The following SLIT1 variants were observed in gnomAD, a reference collection of about 807,000 sequenced individuals.
The protein encoded by SLIT1 is slit guidance ligand 1.
A neutral mutation model predicts 186.1 loss-of-function variants in SLIT1; 66 were observed. The observed-to-expected ratio is 0.35, with a 90% CI of 0.29 to 0.44. The LOEUF (loss-of-function observed/expected upper bound fraction) is 0.44, where lower values mean the gene tolerates loss of function less well. Ranked by LOEUF, SLIT1 falls within the 20% of genes least tolerant of loss-of-function variation. The pLI is 1.00. For missense variants in SLIT1, 1,638 were observed against 2,037.4 expected (o/e 0.80, Z 3.77); for synonymous variants, 761 against 833.8 (o/e 0.91, Z 1.50).
chr10:97,113,836 G>A (rs2817700), intron 4 of SLIT1, among the ~76,000 whole-genome samples: 111,647 of 151,684 alleles, frequency 0.74, 42,124 homozygotes, highest in Non-Finnish European at 0.81. Flanking sequence ...GATTACAGGC[G>A]TGAGCCCGGC....
At chr10:97,141,225 A>G (rs1462561834) in intron 4 of SLIT1, among the ~76,000 whole-genome samples, 1 of 152,206 alleles carries the variant, frequency 6.6e-6, no homozygotes, top group East Asian at 1.9e-4. Flanking sequence ...TTCAGCAGCC[A>G]GCTCGTGTCT....
Position 97,047,161 on chromosome 10 carries a change from TCC to T in SLIT1, c.1635-98_1635-97del, listed in dbSNP as rs933352643. 5.0e-6 allele frequency: 4 copies of T among 805,726 alleles called. No homozygotes were observed. The African/African-American group carries it at 6.9e-5, about 14-fold the overall frequency. 49.9% of individuals were successfully genotyped at this position (805,726 alleles called of 1,614,324 possible). On this transcript the variant is annotated intron_variant, in intron 16 of 36. Coordinates refer to ENST00000266058, the MANE Select transcript of SLIT1 (RefSeq NM_003061.3). Reference sequence around the variant, plus strand: ...TATTTGGGACTCAAACAGAGAAGACTCCCAGAAGAATTTATCTGGCAAAGCAA... The same window carrying T: ...TATTTGGGACTCAAACAGAGAAGACTCAGAAGAATTTATCTGGCAAAGCAA...
intron 8 of SLIT1, among the ~76,000 whole-genome samples, chr10:97,062,628 A>G (rs1848903591): frequency 6.6e-6 from 1 of 152,224 alleles, no homozygotes; most frequent in Admixed American, 6.5e-5. Context: ...GGGTGTGTCC[A>G]GCAGGGGAGC....
At chr10:97,034,377 G>A (rs541692298) in intron 23 of SLIT1, 94 bp downstream of exon 23, 60 of 895,858 alleles carry the variant, frequency 6.7e-5, no homozygotes, top group South Asian at 4.7e-4. Context: ...GTCTGCAGGC[G>A]AGGGATCTGG....
chr10:97,011,086 TTC>T lies in SLIT1; in HGVS notation c.3246_3247del (p.Asn1083ProfsTer3). The T allele has an allele frequency of 1.2e-6, 2 of 1,613,668 alleles. No homozygotes were observed. The highest frequency in any genetic ancestry group is 1.7e-6 in the Non-Finnish European group (2 of 1,179,662). ...GCGGTGGTCCCTGCAGTCATCCTGG[TTC>T]TCACTGCAGTTGTCACCTGCATAAC... On this transcript the variant is annotated frameshift_variant, in exon 31 of 37. Coordinates refer to ENST00000266058, the MANE Select transcript of SLIT1 (RefSeq NM_003061.3). LOFTEE classifies it high-confidence loss of function.
chr10:97,037,821 AT>A, intron 21 of SLIT1, 55 bp from the exon 22 acceptor site: 3 of 1,466,736 alleles, frequency 2.0e-6, no homozygotes, highest in Non-Finnish European at 2.8e-6. Context: ...GTGGTGCCCC[AT>A]GCTGGGGACA....
Position 97,015,731 on chromosome 10 carries a change from C to T in SLIT1, c.2970-1573G>A, listed in dbSNP as rs943853252. Among the ~76,000 whole-genome samples the T allele has an allele frequency of 4.6e-5, 7 of 152,074 alleles. No homozygotes were observed. In the South Asian group the frequency reaches 8.3e-4, roughly 18 times the overall value. ...ATTCTATAATACAGTTATGTTGTTT[C>T]GAATTATTGTAGGGATAACTCGCTG... On this transcript the variant is annotated intron_variant, in intron 28 of 36. Coordinates refer to ENST00000266058, the MANE Select transcript of SLIT1 (RefSeq NM_003061.3).
intron 18 of SLIT1, among the ~76,000 whole-genome samples, chr10:97,046,062 C>T (rs182545344): frequency 1.1e-4 from 17 of 152,246 alleles, no homozygotes; most frequent in Non-Finnish European, 1.9e-4. Context: ...GTGGGAGATC[C>T]GACAGACTGC....
At position 97,032,100 on chromosome 10, in the gene SLIT1, C is replaced by T. The variant is rs976780568; in HGVS notation, c.2439-423G>A. On this transcript the variant is annotated intron_variant, in intron 23 of 36. Coordinates refer to ENST00000266058, the MANE Select transcript of SLIT1 (RefSeq NM_003061.3). ...TCCCTATGAAGGTGACACCTGACTG[C>T]GGGGAGCTCACCGTCTCAGCCGACC... 4.6e-5 allele frequency among the ~76,000 whole-genome samples: 7 copies of T among 152,322 alleles called. No homozygotes were observed. In the South Asian group the frequency reaches 6.2e-4, roughly 14 times the overall value.
At chr10:97,069,876 A>C (rs542323498) in intron 4 of SLIT1, among the ~76,000 whole-genome samples, 52 of 152,304 alleles carry the variant, frequency 3.4e-4, no homozygotes, top group African/African-American at 1.0e-3. Context: ...ACTTCTGAAG[A>C]ACCACATATG....
At chr10:97,086,610 T>C (rs1849162780) in intron 4 of SLIT1, among the ~76,000 whole-genome samples, 1 of 151,998 alleles carries the variant, frequency 6.6e-6, no homozygotes, top group Admixed American at 6.6e-5. Flanking sequence ...GAAAGGACTA[T>C]CAAGTCAAAC....
chr10:97,032,752 T>C (rs75973487), intron 23 of SLIT1, among the ~76,000 whole-genome samples: 2,736 of 56,672 alleles, frequency 0.048, 80 homozygotes, highest in African/African-American at 0.087. Context: ...GCCCCCGTGT[T>C]CCCCAGCAGA....
intron 4 of SLIT1, among the ~76,000 whole-genome samples, chr10:97,119,293 G>C (rs1849537171): frequency 6.6e-6 from 1 of 152,152 alleles, no homozygotes; most frequent in Admixed American, 6.5e-5. Context: ...CCCCTTCCCC[G>C]ATCCTCCCAG....
At chr10:97,028,314 T>C (rs1848564248) in intron 25 of SLIT1, among the ~76,000 whole-genome samples, 1 of 152,162 alleles carries the variant, frequency 6.6e-6, no homozygotes, top group Non-Finnish European at 1.5e-5. Context: ...CACCATGGGC[T>C]TTCCAGGAGT....
chr10:97,006,719 C>A lies in SLIT1; in HGVS notation c.3343G>T (p.Gly1115Ter). The part of the protein sequence containing the change: ...YSCLCAEGYS[G>*]QLCEIPPHLP... ...TGGGGAGGGATCTCACAGAGCTGTCCACTGAGAGGAAAGGACATAAGTCAG... is the reference window on the plus strand; with the variant it reads ...TGGGGAGGGATCTCACAGAGCTGTCAACTGAGAGGAAAGGACATAAGTCAG... Residue 1115 changes from glycine (G) to a stop codon, truncating the protein, a stop_gained and splice_region_variant, in exon 32 of 37, where the codon GGA becomes TGA. Transcript: ENST00000266058. LOFTEE classifies it high-confidence loss of function. This position sits in a 1 kb window ranked among gnomAD's most constrained non-coding sequence, Gnocchi z 4.0. 6.2e-7 allele frequency: 1 copy of A among 1,610,744 alleles called. No individual in the cohort carries two copies. Among genetic ancestry groups the A allele is most frequent in the Non-Finnish European group, 8.5e-7 (1 of 1,177,146 alleles).
intron 4 of SLIT1, among the ~76,000 whole-genome samples, chr10:97,091,993 C>T (rs182789856): frequency 1.3e-5 from 2 of 152,354 alleles, no homozygotes; most frequent in East Asian, 3.9e-4. Flanking sequence ...GGAAGGTTTT[C>T]GGCTAACCAT....
At chr10:97,131,522 A>G (rs1849654300) in intron 4 of SLIT1, among the ~76,000 whole-genome samples, 1 of 152,160 alleles carries the variant, frequency 6.6e-6, no homozygotes, top group Admixed American at 6.5e-5. Context: ...ACAAGCACGT[A>G]TTGACACCCC....
chr10:97,140,311 T>C (rs1201250177), intron 4 of SLIT1, among the ~76,000 whole-genome samples: 3 of 152,128 alleles, frequency 2.0e-5, no homozygotes, highest in Non-Finnish European at 4.4e-5. Flanking sequence ...GCCTCTTTGT[T>C]ACCCTGCAGC....
At chr10:97,151,016 T>C (rs1440793098) in intron 4 of SLIT1, among the ~76,000 whole-genome samples, 3 of 145,752 alleles carry the variant, frequency 2.1e-5, no homozygotes, top group Non-Finnish European at 3.0e-5. Flanking sequence ...CGGAAGGAGA[T>C]ATAGGTCCAG....
Sources: gnomAD v4.1 joint callset for allele counts (sites outside exome capture counted in the v4.1 genomes callset) on GRCh38, gnomAD v4.1.1 for gene constraint, Gnocchi (gnomAD v3.1) non-coding constraint, MANE v1.5 for transcripts, NCBI Gene and HGNC (gene_info 2026-07-23, HGNC 2026-07-21) for gene names.